The following AFG2A variants were observed in gnomAD, a reference collection of about 807,000 sequenced individuals.
The protein encoded by AFG2A is AAA ATPase AFG2A.
the AFG2A span, among the ~76,000 whole-genome samples, chr4:123,096,384 A>C: frequency 6.6e-6 from 1 of 152,094 alleles, no homozygotes; most frequent in Non-Finnish European, 1.5e-5. Flanking sequence ...CTAATTTATT[A>C]ATGATGCCCA....
At chr4:122,963,389 T>G in the AFG2A span, among the ~76,000 whole-genome samples, 2 of 152,252 alleles carry the variant, frequency 1.3e-5, no homozygotes, top group South Asian at 2.1e-4. Context: ...GTGACTCAGA[T>G]GAAATGAGGT....
chr4:123,227,323 T>C, the AFG2A span, among the ~76,000 whole-genome samples: 3 of 152,220 alleles, frequency 2.0e-5, no homozygotes, highest in Admixed American at 6.5e-5. Context: ...TTTTAGATCT[T>C]TCCTGCTTTC....
the AFG2A span, among the ~76,000 whole-genome samples, chr4:123,024,694 T>G: frequency 6.6e-6 from 1 of 152,254 alleles, no homozygotes; most frequent in Admixed American, 6.5e-5. Flanking sequence ...GCAAGACCTC[T>G]GGAACATCAT....
At chr4:123,017,414 A>ATTTTTTTTTT in the AFG2A span, among the ~76,000 whole-genome samples, 4 of 74,714 alleles carry the variant, frequency 5.4e-5, no homozygotes, top group African/African-American at 7.0e-5. Flanking sequence ...AGCATGGGAA[A>ATTTTTTTTTT]TTTTTTTTTT....
the AFG2A span, among the ~76,000 whole-genome samples, chr4:122,948,495 TG>T: frequency 6.6e-6 from 1 of 151,660 alleles, no homozygotes; most frequent in African/African-American, 2.4e-5. Context: ...TGATATATTG[TG>T]CTGTGCTGTG....
the AFG2A span, among the ~76,000 whole-genome samples, chr4:122,983,417 T>A: frequency 6.6e-6 from 1 of 152,190 alleles, no homozygotes; most frequent in East Asian, 1.9e-4. Context: ...TTGAGATATT[T>A]CTTTTTTCTT....
chr4:123,102,798 C>CTGTG, the AFG2A span, among the ~76,000 whole-genome samples: 45,993 of 141,010 alleles, frequency 0.33, 7,589 homozygotes, highest in Admixed American at 0.4. Flanking sequence ...TCCTGGCATT[C>CTGTG]TGTGTGTGTG....
the AFG2A span, among the ~76,000 whole-genome samples, chr4:122,966,406 G>T: frequency 1.3e-5 from 2 of 152,066 alleles, no homozygotes; most frequent in Non-Finnish European, 2.9e-5. Context: ...TCTTTCATAT[G>T]TATAAGACTG....
the AFG2A span, among the ~76,000 whole-genome samples, chr4:123,038,929 A>G: frequency 2.6e-5 from 4 of 152,064 alleles, no homozygotes; most frequent in Admixed American, 1.3e-4. Context: ...GCTTTATACT[A>G]TATTTTCACA....
At chr4:122,935,868 A>T in the AFG2A span, 1 of 1,566,134 alleles carries the variant, frequency 6.4e-7, no homozygotes, top group South Asian at 1.2e-5. Context: ...TAATAGAGTA[A>T]ACTTACTATT....
At chr4:123,314,128 T>A in the AFG2A span, 1 of 1,394,848 alleles carries the variant, frequency 7.2e-7, no homozygotes, top group African/African-American at 1.5e-5. Flanking sequence ...TTTTTAAAAT[T>A]TTTTGAGAGT....
chr4:123,103,992 C>A, the AFG2A span, among the ~76,000 whole-genome samples: 2 of 152,036 alleles, frequency 1.3e-5, no homozygotes, highest in African/African-American at 4.8e-5. Flanking sequence ...CAATGGGAAA[C>A]TTTTTGGAAT....
At chr4:123,041,649 A>C in the AFG2A span, among the ~76,000 whole-genome samples, 1 of 151,798 alleles carries the variant, frequency 6.6e-6, no homozygotes, top group Non-Finnish European at 1.5e-5. Flanking sequence ...CTCCTGCCTG[A>C]GTCTCCCAAG....
chr4:122,944,860 G>T, the AFG2A span, among the ~76,000 whole-genome samples: 5 of 152,168 alleles, frequency 3.3e-5, no homozygotes, highest in Non-Finnish European at 5.9e-5. Context: ...TAACAGACAG[G>T]GCCCTCAGCT....
the AFG2A span, among the ~76,000 whole-genome samples, chr4:123,230,931 G>A: frequency 2.6e-5 from 4 of 152,014 alleles, no homozygotes; most frequent in African/African-American, 9.7e-5. Context: ...AGTTTCAACA[G>A]TGGGCTTAAA....
the AFG2A span, among the ~76,000 whole-genome samples, chr4:123,135,689 A>T: frequency 0.029 from 4,388 of 152,306 alleles, 86 homozygotes; most frequent in Non-Finnish European, 0.036. Context: ...ATTTTAAGTA[A>T]TCTAGCGATC....
the AFG2A span, among the ~76,000 whole-genome samples, chr4:122,993,763 T>C: frequency 6.6e-6 from 1 of 152,030 alleles, no homozygotes; most frequent in East Asian, 1.9e-4. Flanking sequence ...AGATCTTTAT[T>C]GTCAGAAATT....
At chr4:123,105,073 A>G in the AFG2A span, among the ~76,000 whole-genome samples, 1 of 152,206 alleles carries the variant, frequency 6.6e-6, no homozygotes, top group Non-Finnish European at 1.5e-5. Context: ...AAGAGAAATT[A>G]ATGCCTGGCT....
chr4:123,228,470 A>G, the AFG2A span, among the ~76,000 whole-genome samples: 1 of 151,996 alleles, frequency 6.6e-6, no homozygotes, highest in Non-Finnish European at 1.5e-5. Flanking sequence ...AATAATTCTT[A>G]TTCCCTATAG....
Sources: allele counts gnomAD v4.1 joint callset (sites outside exome capture counted in the v4.1 genomes callset), GRCh38; gene constraint gnomAD v4.1.1; transcripts MANE v1.5; gene names NCBI Gene and HGNC (gene_info 2026-07-23, HGNC 2026-07-21).